Variants in STAG2 observed in about 807,000 individuals in gnomAD.
STAG2 encodes STAG2 cohesin complex component, also known as cohesin subunit SA-2.
A neutral mutation model predicts 108.1 loss-of-function variants in STAG2; 14 were observed. The ratio of observed to expected loss-of-function variants is 0.13; its 90% CI spans 0.09 to 0.20. The LOEUF is 0.20. Among genes scored for constraint, STAG2 ranks in the 10% least tolerant of loss-of-function variants. The probability of loss-of-function intolerance (pLI) is 1.00; values close to 1 mark genes in which losing one functional copy is unlikely to be tolerated. For synonymous variants in STAG2, 307 were observed against 302.7 expected, an observed-to-expected ratio of 1.01 and a Z score of -0.15; for missense variants, 440 against 940.9, an observed-to-expected ratio of 0.47 and a Z score of 6.96.
chrX:123,989,085 AGTT>A (rs1290485263), intron 1 of STAG2, among the ~76,000 whole-genome samples: 1 of 111,256 alleles, frequency 9.0e-6, no homozygotes, highest in African/African-American at 3.3e-5. Context: ...GCCTTTCTTG[AGTT>A]GTTGTGTATT....
chrX:123,977,832 G>GTTTTT (rs35569156), intron 1 of STAG2, among the ~76,000 whole-genome samples: 2 of 38,572 alleles, frequency 5.2e-5, no homozygotes, highest in Non-Finnish European at 8.7e-5. Context: ...GTTCCCAAGT[G>GTTTTT]TTTTTTTTTT....
intron 21 of STAG2, 23 bp from the exon 22 acceptor site, chrX:124,066,152 T>A (rs1423524383): frequency 4.2e-6 from 4 of 953,838 alleles, no homozygotes; most frequent in Non-Finnish European, 5.4e-6. Flanking sequence ...AATTTTTTTT[T>A]TTTTTTTTTT....
In STAG2 at chrX:124,068,599, A is replaced by G; in HGVS notation, c.2301A>G (p.Val767=). 1 of 1,195,999 alleles carries G rather than the reference A, an allele frequency of 8.4e-7. No homozygotes were observed. The highest frequency in any genetic ancestry group is 1.1e-6 in the Non-Finnish European group (1 of 890,422). ...DLLRLKKQMR[V]FCQICQHYLT... is the part of the protein sequence containing the mutation. Reference sequence around the variant, plus strand: ...TGCGTTTAAAGAAACAAATGAGAGTATTTTGTCAGATATGTCAACATTACC... The same window carrying G: ...TGCGTTTAAAGAAACAAATGAGAGTGTTTTGTCAGATATGTCAACATTACC... Residue 767 remains valine (V), a synonymous_variant, in exon 24 of 35, where the codon GTA becomes GTG. Transcript: ENST00000371145.
chrX:124,014,979 CTTTTTTTTT>C (rs34997317), intron 1 of STAG2, among the ~76,000 whole-genome samples: 4 of 44,519 alleles, frequency 9.0e-5, no homozygotes, highest in East Asian at 9.6e-4. Context: ...ACGTACTTTT[CTTTTTTTTT>C]TTTTTTTTTT....
At chrX:123,966,292 T>C (rs775818385) in intron 1 of STAG2, among the ~76,000 whole-genome samples, 44 of 109,833 alleles carry the variant, frequency 4.0e-4, no homozygotes, top group Non-Finnish European at 7.8e-4. Context: ...GAAACCCCCA[T>C]CTCTACTAAA....
intron 1 of STAG2, chrX:124,003,642 T>C (rs2056156325): frequency 9.0e-6 from 1 of 110,635 alleles, no homozygotes; most frequent in South Asian, 3.8e-4. Flanking sequence ...CAGGCTGGTC[T>C]TGAACTCCTG....
chrX:124,014,979 CTTTT>C (rs34997317), intron 1 of STAG2, among the ~76,000 whole-genome samples: 4 of 44,516 alleles, frequency 9.0e-5, no homozygotes, highest in Non-Finnish European at 1.1e-4. Flanking sequence ...ACGTACTTTT[CTTTT>C]TTTTTTTTTT....
intron 8 of STAG2, among the ~76,000 whole-genome samples, chrX:124,046,712 G>A (rs991464615): frequency 9.0e-6 from 1 of 111,275 alleles, no homozygotes; most frequent in African/African-American, 3.3e-5. Context: ...AGAAGGTAGA[G>A]ATCTGGAGGA....
chrX:124,018,048 C>T (rs1324500722), intron 1 of STAG2, among the ~76,000 whole-genome samples: 2 of 111,970 alleles, frequency 1.8e-5, no homozygotes, highest in Non-Finnish European at 3.8e-5. Context: ...TAAGGAAAAG[C>T]AGAAGCTAGT....
intron 32 of STAG2, among the ~76,000 whole-genome samples, chrX:124,093,492 T>TA (rs1436422402): frequency 1.0e-5 from 1 of 100,462 alleles, no homozygotes; most frequent in South Asian, 5.0e-4. Context: ...TTTTTTTTTT[T>TA]AACATCCATA....
At position 124,066,143 on chromosome X, in the gene STAG2, ATTTTTTTTTTTTTTT is replaced by A. The variant is rs748906058; in HGVS notation, c.2097-19_2097-5del. The A allele has an allele frequency of 2.2e-5, 13 of 596,113 alleles. No individual in the cohort carries two copies. The highest frequency in any genetic ancestry group is 2.5e-5 in the Non-Finnish European group (11 of 443,641). The allele number at this position is 596,113 out of a possible 1,213,427, so 49.1% of individuals were successfully genotyped here. On this transcript the variant is annotated splice_polypyrimidine_tract_variant and intron_variant, in intron 21 of 34. Transcript: ENST00000371145. The stretch of plus-strand genomic sequence containing the variant: ...AGGCTTAGCTTTTTAATAAAACTTA[ATTTTTTTTTTTTTTT>A]TTTTTTTTTTTTACAGTGCCCATGA...
chrX:124,014,979 CTTTTTTTTTT>C (rs34997317), intron 1 of STAG2, among the ~76,000 whole-genome samples: 2 of 44,519 alleles, frequency 4.5e-5, no homozygotes, highest in African/African-American at 9.7e-5. Context: ...ACGTACTTTT[CTTTTTTTTTT>C]TTTTTTTTTT....
chrX:124,027,787 G>A (rs947891273), intron 4 of STAG2, among the ~76,000 whole-genome samples: 1 of 112,007 alleles, frequency 8.9e-6, no homozygotes, highest in African/African-American at 3.2e-5. Context: ...AAGGATTTGA[G>A]TTCAGGTCTG....
intron 5 of STAG2, among the ~76,000 whole-genome samples, chrX:124,035,955 G>A (rs1031581821): frequency 1.8e-5 from 2 of 111,852 alleles, no homozygotes; most frequent in African/African-American, 6.5e-5. Flanking sequence ...CCAATAATTT[G>A]GGGCCATGTT....
intron 26 of STAG2, among the ~76,000 whole-genome samples, chrX:124,076,804 A>G (rs1256497475): frequency 9.2e-6 from 1 of 109,225 alleles, no homozygotes; most frequent in Non-Finnish European, 1.9e-5. Flanking sequence ...GAGTCAGAAG[A>G]CTTGGGTGGT....
intron 30 of STAG2, among the ~76,000 whole-genome samples, chrX:124,087,124 A>G (rs767005035): frequency 3.6e-4 from 40 of 112,245 alleles, no homozygotes; most frequent in Admixed American, 4.7e-4. Context: ...TTATAGAGCT[A>G]GTTATTACCC....
chrX:123,983,995 T>TTTTTTTTTTTTA (rs761746498), intron 1 of STAG2, among the ~76,000 whole-genome samples: 1 of 86,795 alleles, frequency 1.2e-5, no homozygotes, highest in East Asian at 3.6e-4. Flanking sequence ...TTTTTTTTTT[T>TTTTTTTTTTTTA]GAGACGGGGT....
chrX:124,087,572 C>T (rs1263807932), intron 30 of STAG2, among the ~76,000 whole-genome samples: 2 of 111,678 alleles, frequency 1.8e-5, no homozygotes, highest in African/African-American at 3.3e-5. Context: ...AGAACACCAA[C>T]GTGTGACTTC....
At chrX:124,065,075 G>T (rs1305624606) in intron 20 of STAG2, among the ~76,000 whole-genome samples, 3 of 111,278 alleles carry the variant, frequency 2.7e-5, no homozygotes, top group African/African-American at 9.8e-5. Flanking sequence ...GGTGTATATT[G>T]TTATTCCGGG....
Sources: allele counts gnomAD v4.1 joint callset (sites outside exome capture counted in the v4.1 genomes callset), GRCh38; gene constraint gnomAD v4.1.1; transcripts MANE v1.5; gene names NCBI Gene and HGNC (gene_info 2026-07-23, HGNC 2026-07-21).